Variants in CAPZB observed in about 807,000 individuals in gnomAD.
The protein encoded by CAPZB is capping actin protein of muscle Z-line subunit beta.
A neutral mutation model predicts 38.1 loss-of-function variants in CAPZB; 2 were observed. That is an observed-to-expected ratio of 0.05 (90% CI 0.02 to 0.17). The LOEUF is 0.17. Ranked by LOEUF, CAPZB falls within the 10% of genes least tolerant of loss-of-function variation. CAPZB has a pLI of 1.00. For synonymous variants in CAPZB, 107 were observed against 127.4 expected, an observed-to-expected ratio of 0.84 and a Z score of 1.08; for missense variants, 161 against 334.2, an observed-to-expected ratio of 0.48 and a Z score of 4.04.
chr1:19,388,362 A>G (rs2094214613), intron 2 of CAPZB, among the ~76,000 whole-genome samples: 1 of 152,218 alleles, frequency 6.6e-6, no homozygotes, highest in Non-Finnish European at 1.5e-5. Context: ...CACACAGCAA[A>G]TGCTTAATAT....
chr1:19,408,768 A>G (rs12125959), intron 2 of CAPZB, among the ~76,000 whole-genome samples: 34,690 of 152,114 alleles, frequency 0.23, 4,329 homozygotes, highest in East Asian at 0.46. Flanking sequence ...CCCAAAGCAA[A>G]TTAGTGGCAG....
intron 2 of CAPZB, among the ~76,000 whole-genome samples, chr1:19,386,046 G>A (rs1272858746): frequency 2.0e-5 from 3 of 152,200 alleles, no homozygotes; most frequent in East Asian, 1.9e-4. Context: ...CGTCCGTGCC[G>A]GGAACTCCCA....
chr1:19,458,052 C>A (rs2094538463), intron 1 of CAPZB, among the ~76,000 whole-genome samples: 2 of 142,808 alleles, frequency 1.4e-5, no homozygotes, highest in African/African-American at 5.2e-5. Context: ...AGCCTATGAC[C>A]ACAACTAATC....
intron 1 of CAPZB, among the ~76,000 whole-genome samples, chr1:19,454,999 C>T: frequency 6.6e-6 from 1 of 152,234 alleles, no homozygotes. Context: ...ATTCACAGGA[C>T]ACCGGTCCCG....
At chr1:19,473,018 A>G (rs749744496) in intron 1 of CAPZB, among the ~76,000 whole-genome samples, 9 of 151,576 alleles carry the variant, frequency 5.9e-5, no homozygotes, top group Non-Finnish European at 1.2e-4. Context: ...TGCCCGGCCC[A>G]TTCTTCCTGC....
intron 1 of CAPZB, among the ~76,000 whole-genome samples, chr1:19,470,132 C>T (rs1380811529): frequency 6.6e-6 from 1 of 152,170 alleles, no homozygotes; most frequent in Admixed American, 6.5e-5. Flanking sequence ...GGCAAGAGGA[C>T]TGCTTGAGCC....
chr1:19,356,512 TG>T lies in CAPZB; in HGVS notation c.588+122del. 3.9e-6 allele frequency: 3 copies of T among 760,208 alleles called. No individual in the cohort carries two copies. The highest frequency in any genetic ancestry group is 7.2e-6 in the Non-Finnish European group (3 of 417,462). 47.1% of individuals were successfully genotyped at this position (760,208 alleles called of 1,614,324 possible). On this transcript the variant is annotated intron_variant, in intron 6 of 8. Coordinates refer to ENST00000264202, the MANE Select transcript of CAPZB (RefSeq NM_004930.5). The surrounding 1 kb of genome is among the most constrained non-coding windows in gnomAD (Gnocchi z 4.3). The stretch of plus-strand genomic sequence containing the variant: ...AAAATGCAAAGCCCTACTTAGATGG[TG>T]GATTTATAGCTGGCTGAACATGCTT...
chr1:19,443,233 A>C (rs1182759741), intron 1 of CAPZB, among the ~76,000 whole-genome samples: 7 of 151,616 alleles, frequency 4.6e-5, no homozygotes, highest in Non-Finnish European at 1.0e-4. Flanking sequence ...ACAAAAAAAA[A>C]AAATACAAAA....
At chr1:19,374,844 G>A (rs1395563351) in intron 4 of CAPZB, among the ~76,000 whole-genome samples, 1 of 152,222 alleles carries the variant, frequency 6.6e-6, no homozygotes, top group Non-Finnish European at 1.5e-5. Flanking sequence ...GGAGAGCTGT[G>A]GCCTTGCTCA....
chr1:19,368,322 C>A (rs1031140838), intron 4 of CAPZB, among the ~76,000 whole-genome samples: 1 of 152,038 alleles, frequency 6.6e-6, no homozygotes, highest in African/African-American at 2.4e-5. Context: ...TATGAAGCCA[C>A]ACCACTGAAC....
intron 1 of CAPZB, among the ~76,000 whole-genome samples, chr1:19,464,987 T>G (rs1419044252): frequency 6.6e-6 from 1 of 152,314 alleles, no homozygotes; most frequent in South Asian, 2.1e-4. Flanking sequence ...ACATGATTAG[T>G]ACCAAAACTC....
rs369597933 is a variant in CAPZB at position 19,384,221 on chromosome 1, G to A, written c.215+1284C>T. 2.0e-5 allele frequency among the ~76,000 whole-genome samples: 3 copies of A among 152,038 alleles called. No individual in the cohort carries two copies. In the East Asian group the frequency reaches 5.8e-4, roughly 29 times the overall value. Reference sequence around the variant, plus strand: ...ACCCTGCCAGACCTGCCCTGGCCATGCCTCCTCCCTCATCTCCGCCCCCAC... The same window carrying A: ...ACCCTGCCAGACCTGCCCTGGCCATACCTCCTCCCTCATCTCCGCCCCCAC... On this transcript the variant is annotated intron_variant, in intron 3 of 8. Transcript: ENST00000264202.
At chr1:19,346,468 A>G (rs1214853406) in intron 6 of CAPZB, among the ~76,000 whole-genome samples, 1 of 138,826 alleles carries the variant, frequency 7.2e-6, no homozygotes, top group East Asian at 1.9e-4. Context: ...AAAAAAAAAA[A>G]AAAAAAAAAA....
At chr1:19,386,234 G>A (rs2094203402) in intron 2 of CAPZB, among the ~76,000 whole-genome samples, 1 of 152,202 alleles carries the variant, frequency 6.6e-6, no homozygotes, top group African/African-American at 2.4e-5. Context: ...GCCTCACCAA[G>A]AAAGATGACC....
intron 1 of CAPZB, among the ~76,000 whole-genome samples, chr1:19,428,926 G>A (rs2094433001): frequency 6.6e-6 from 1 of 152,122 alleles, no homozygotes; most frequent in Non-Finnish European, 1.5e-5. Context: ...CAGCATCCCA[G>A]CTACCCCATT....
intron 1 of CAPZB, among the ~76,000 whole-genome samples, chr1:19,463,554 T>C (rs1363688129): frequency 1.3e-5 from 2 of 152,118 alleles, no homozygotes; most frequent in South Asian, 2.1e-4. Flanking sequence ...CCTTAAATGG[T>C]TGGGAGAGCA....
At chr1:19,442,332 G>A (rs149423936) in intron 1 of CAPZB, among the ~76,000 whole-genome samples, 59 of 152,220 alleles carry the variant, frequency 3.9e-4, no homozygotes, top group African/African-American at 1.3e-3. Context: ...AAACTGATTC[G>A]AGCTGGGGAG....
chr1:19,455,524 G>A (rs924582703), intron 1 of CAPZB, among the ~76,000 whole-genome samples: 2 of 152,162 alleles, frequency 1.3e-5, no homozygotes, highest in Non-Finnish European at 2.9e-5. Context: ...CCTGTCACAC[G>A]CTAGTGGTTT....
At chr1:19,459,827 G>A (rs776833239) in intron 1 of CAPZB, among the ~76,000 whole-genome samples, 7 of 152,054 alleles carry the variant, frequency 4.6e-5, no homozygotes, top group African/African-American at 1.5e-4. Flanking sequence ...CTGCTGTACC[G>A]CCCCAGACGT....
Sources: allele counts gnomAD v4.1 joint callset (sites outside exome capture counted in the v4.1 genomes callset), GRCh38; gene constraint gnomAD v4.1.1; non-coding constraint Gnocchi (gnomAD v3.1); transcripts MANE v1.5; gene names NCBI Gene and HGNC (gene_info 2026-07-23, HGNC 2026-07-21).